Variants in NFIB observed in about 807,000 individuals in gnomAD.
NFIB encodes the protein nuclear factor I B.
In NFIB, 11 loss-of-function variants were observed where a neutral mutation model predicts 61.5. The ratio of observed to expected loss-of-function variants is 0.18; its 90% CI spans 0.11 to 0.30. NFIB has a LOEUF of 0.30. NFIB is among the 10% of genes least tolerant of loss of function. The probability of loss-of-function intolerance (pLI) is 1.00; values close to 1 mark genes in which losing one functional copy is unlikely to be tolerated. For synonymous variants in NFIB, 260 were observed against 216.5 expected (o/e 1.20, Z -1.76); for missense variants, 471 against 608.9 (o/e 0.77, Z 2.38).
chr9:14,245,441 C>G (rs2054808762), intron 2 of NFIB, among the ~76,000 whole-genome samples: 1 of 151,772 alleles, frequency 6.6e-6, no homozygotes, highest in Non-Finnish European at 1.5e-5. Flanking sequence ...TGAATGCAAA[C>G]CAGGACAGAA....
intron 3 of NFIB, among the ~76,000 whole-genome samples, chr9:14,167,757 C>T (rs2045052057): frequency 2.6e-5 from 4 of 152,146 alleles, no homozygotes; most frequent in Admixed American, 2.6e-4. Flanking sequence ...TGAATTACAA[C>T]AGTCAGGTAT....
At chr9:14,315,981 T>G (rs1245342186), upstream of NFIB, among the ~76,000 whole-genome samples, 1 of 151,824 alleles carries the variant, frequency 6.6e-6, no homozygotes, top group African/African-American at 2.4e-5. Context: ...TCGCCCCCGA[T>G]TCCCCGGTCC....
At chr9:14,459,299 A>G in the NFIB span, among the ~76,000 whole-genome samples, 1 of 152,228 alleles carries the variant, frequency 6.6e-6, no homozygotes. Flanking sequence ...GGTGCTGGGA[A>G]AACTGGCTAG....
chr9:14,281,252 A>G (rs1300537037), intron 2 of NFIB, among the ~76,000 whole-genome samples: 2 of 152,234 alleles, frequency 1.3e-5, no homozygotes, highest in African/African-American at 4.8e-5. Flanking sequence ...TATGGGTTCC[A>G]TAGAGCATGA....
At chr9:14,479,007 C>A in the NFIB span, among the ~76,000 whole-genome samples, 172 of 152,302 alleles carry the variant, frequency 1.1e-3, no homozygotes, top group African/African-American at 4.1e-3. Context: ...TTACATCATC[C>A]TTGCAGATGT....
At chr9:14,239,279 T>TA (rs1297975703) in intron 2 of NFIB, among the ~76,000 whole-genome samples, 1 of 152,204 alleles carries the variant, frequency 6.6e-6, no homozygotes, top group Non-Finnish European at 1.5e-5. Context: ...TAAATCCCAT[T>TA]AGGTCTTTTT....
chr9:14,248,298 C>CCTCCA (rs1563942330), intron 2 of NFIB, among the ~76,000 whole-genome samples: 4 of 150,732 alleles, frequency 2.7e-5, no homozygotes, highest in African/African-American at 9.8e-5. Flanking sequence ...CCTCCCCTCT[C>CCTCCA]CTCCACTCCC....
intron 10 of NFIB, among the ~76,000 whole-genome samples, chr9:14,089,663 A>C (rs780783933): frequency 2.6e-5 from 4 of 152,082 alleles, no homozygotes; most frequent in Non-Finnish European, 4.4e-5. Flanking sequence ...GAGGTTTTAA[A>C]TTTCACTGAA....
At chr9:14,114,091 T>C (rs1563798038) in intron 9 of NFIB, among the ~76,000 whole-genome samples, 4 of 152,208 alleles carry the variant, frequency 2.6e-5, no homozygotes, top group Non-Finnish European at 5.9e-5. Context: ...CAGGCTTCAT[T>C]TTAAATGAAC....
intron 2 of NFIB, among the ~76,000 whole-genome samples, chr9:14,265,687 C>T (rs181952286): frequency 6.6e-6 from 1 of 152,296 alleles, no homozygotes; most frequent in East Asian, 1.9e-4. Flanking sequence ...AGACAGCATT[C>T]CTCTCCCTTC....
chr9:14,235,379 T>C (rs2053639908), intron 2 of NFIB, among the ~76,000 whole-genome samples: 1 of 152,162 alleles, frequency 6.6e-6, no homozygotes, highest in African/African-American at 2.4e-5. Flanking sequence ...TGTGAGACCT[T>C]AGTGCTGAAG....
At chr9:14,443,936 A>C in the NFIB span, among the ~76,000 whole-genome samples, 1 of 152,232 alleles carries the variant, frequency 6.6e-6, no homozygotes, top group Non-Finnish European at 1.5e-5. Flanking sequence ...CATTGTCCAC[A>C]AAGTCCAAAC....
rs1460306633 is a variant in NFIB at position 14,150,282 on chromosome 9, A to G, written c.686-17T>C. ...TTATGGGCGCTGAGGAATAAGACAAAGAAGCACTGGGAATGACATTCGTAT... is the reference window on the plus strand; with the variant it reads ...TTATGGGCGCTGAGGAATAAGACAAGGAAGCACTGGGAATGACATTCGTAT... On this transcript the variant is annotated splice_polypyrimidine_tract_variant and intron_variant, in intron 4 of 10. Transcript: ENST00000380953. The G allele has an allele frequency of 6.2e-7, 1 of 1,613,002 alleles. No homozygotes were observed. Among genetic ancestry groups the G allele is most frequent in the Non-Finnish European group, 8.5e-7 (1 of 1,179,248 alleles).
intron 2 of NFIB, among the ~76,000 whole-genome samples, chr9:14,190,477 G>T (rs1193023937): frequency 6.6e-6 from 1 of 152,154 alleles, no homozygotes; most frequent in African/African-American, 2.4e-5. Context: ...TGATGTGGCA[G>T]ATAATAGTAT....
chr9:14,179,318 C>A (rs1204715142), intron 3 of NFIB, among the ~76,000 whole-genome samples: 2 of 152,030 alleles, frequency 1.3e-5, no homozygotes, highest in East Asian at 3.9e-4. Flanking sequence ...ACCAACCACT[C>A]CCACCCCCAA....
intron 3 of NFIB, among the ~76,000 whole-genome samples, chr9:14,167,262 G>A (rs1460130597): frequency 6.6e-6 from 1 of 152,156 alleles, no homozygotes. Flanking sequence ...GTCAGAACTG[G>A]CTGGGTGTGG....
chr9:14,518,936 GGAA>G, the NFIB span, among the ~76,000 whole-genome samples: 1 of 152,146 alleles, frequency 6.6e-6, no homozygotes, highest in Non-Finnish European at 1.5e-5. Context: ...GGGGGCTATT[GGAA>G]GGAGGAAGGG....
intron 10 of NFIB, chr9:14,102,565 G>C (rs1414535458): frequency 3.5e-6 from 5 of 1,425,766 alleles, no homozygotes; most frequent in East Asian, 2.5e-5. Flanking sequence ...ACAGTTTTTA[G>C]TATTTAAATG....
chr9:14,309,174 A>G (rs2060168805), intron 1 of NFIB, among the ~76,000 whole-genome samples: 1 of 152,228 alleles, frequency 6.6e-6, no homozygotes, highest in South Asian at 2.1e-4. Context: ...CAGACTGACT[A>G]ATTAATTCCA....
Sources: allele counts gnomAD v4.1 joint callset (sites outside exome capture counted in the v4.1 genomes callset), GRCh38; gene constraint gnomAD v4.1.1; transcripts MANE v1.5; gene names NCBI Gene and HGNC (gene_info 2026-07-23, HGNC 2026-07-21).